Variants in DPH2 observed in about 807,000 individuals in gnomAD.
DPH2 encodes the protein diphthamide biosynthesis 2, also known as 2-(3-amino-3-carboxypropyl)histidine synthase subunit 2.
A neutral mutation model predicts 42.5 loss-of-function variants in DPH2; 28 were observed. The ratio of observed to expected loss-of-function variants is 0.66; its 90% confidence interval spans 0.49 to 0.90. The LOEUF (loss-of-function observed/expected upper bound fraction) is 0.90. DPH2 is among the 40% of genes least tolerant of loss of function. The pLI is 0.00. For missense variants in DPH2, 576 were observed against 636.0 expected, an observed-to-expected ratio of 0.91 and a Z score of 1.01; for synonymous variants, 279 against 264.4, an observed-to-expected ratio of 1.06 and a Z score of -0.53.
chr1:43,970,233 C>T lies in DPH2; in HGVS notation c.58C>T (p.Pro20Ser), dbSNP rs148793639. 2.6e-4 allele frequency: 427 copies of T among 1,614,222 alleles called. 2 individuals carry two copies. In the African/African-American group the frequency reaches 5.0e-3, roughly 19 times the overall value. The change falls in exon 1 of 6, where the codon CCA (proline) becomes TCA (serine). Residue 20 changes from proline to serine, a missense_variant. Pro to Ser is a moderately conservative substitution (Grantham distance 74, BLOSUM62 -1). Coordinates refer to ENST00000255108, the MANE Select transcript of DPH2 (RefSeq NM_001384.5). ...GGCGCTGCAGCGAGAGACCGGGGTG[C>T]CAGGACTGCTTACTCCTCTTCCGGA... is the stretch of plus-strand genomic sequence containing the variant. The part of the protein sequence containing the change: ...EAALQRETGV[P>S]GLLTPLPDLD...
chr1:43,970,267 G>A lies in DPH2; in HGVS notation c.92G>A (p.Gly31Glu), dbSNP rs747105105. The change falls in exon 1 of 6, where the codon GGA (glycine) becomes GAA (glutamate). Residue 31 changes from glycine (G) to glutamate (E), a missense_variant. This residue lies in a region of DPH2 where 395 missense variants were observed against 435.2 expected (regional missense o/e 0.91). Transcript: ENST00000255108. The part of the protein sequence containing the change: ...GLLTPLPDLD[G>E]VYELERVAGF... ...CTTACTCCTCTTCCGGACCTGGACG[G>A]AGTGTACGAGCTGGAGCGAGTCGCT... The A allele has an allele frequency of 7.4e-6, 12 of 1,614,154 alleles. No individual in the cohort carries two copies. The highest frequency in any genetic ancestry group is 3.4e-6 in the Non-Finnish European group (4 of 1,180,050).
In DPH2 at chr1:43,971,717, G is replaced by A. The variant is rs539769075; in HGVS notation, c.815G>A (p.Arg272Gln). Reference protein sequence around the residue: ...ARAGRLRARRRYLVERARDAR... With the variant: ...ARAGRLRARRQYLVERARDAR... Reference sequence around the variant, plus strand: ...GCTGGACGGCTAAGGGCACGAAGACGATATCTGGTAGAGAGGGCCAGAGAT... The same window carrying A: ...GCTGGACGGCTAAGGGCACGAAGACAATATCTGGTAGAGAGGGCCAGAGAT... The change falls in exon 4 of 6, where the codon CGA becomes CAA. Residue 272 changes from arginine to glutamine, a missense_variant. Arg to Gln is a conservative substitution (Grantham distance 43). Transcript: ENST00000255108. 2.7e-5 allele frequency: 44 copies of A among 1,612,536 alleles called. No homozygotes were observed. The highest frequency in any genetic ancestry group is 6.7e-5 in the African/African-American group (5 of 75,070).
At position 43,970,026 on chromosome 1, in the gene DPH2, G is replaced by A; in HGVS notation, c.-150G>A. The A allele has an allele frequency of 2.3e-6, 2 of 871,604 alleles. No individual in the cohort carries two copies. Among genetic ancestry groups the A allele is most frequent in the Non-Finnish European group, 3.4e-6 (2 of 584,884 alleles). The allele number at this position is 871,604 out of a possible 1,614,324, so 54.0% of individuals were successfully genotyped here. A position where few individuals can be genotyped will look rare whatever the true frequency, so the allele number is the denominator to read the frequency against. On this transcript the variant is annotated 5_prime_UTR_variant, in exon 1 of 6. Transcript: ENST00000255108. The stretch of plus-strand genomic sequence containing the variant: ...CGGAGAAACAGTAGTTAGGATGGCT[G>A]AAGGGGATACTCACCGGCTGAAGGC...
chr1:43,970,075 A>C lies in DPH2; in HGVS notation c.-101A>C. 7.1e-7 allele frequency: 1 copy of C among 1,416,070 alleles called. No individual in the cohort carries two copies. Among genetic ancestry groups the C allele is most frequent in the South Asian group, 1.3e-5 (1 of 74,338 alleles). 87.7% of individuals were successfully genotyped at this position (1,416,070 alleles called of 1,614,324 possible). ...GCCGACTGTGATTCCCCCTACCCCC[A>C]CAAGGCGATTTTGACCCCCTGAGGG... On this transcript the variant is annotated 5_prime_UTR_variant, in exon 1 of 6. Transcript: ENST00000255108.
chr1:43,972,892 A>T lies in DPH2; in HGVS notation c.*353A>T. On this transcript the variant is annotated 3_prime_UTR_variant, in exon 6 of 6. Coordinates refer to ENST00000255108, the MANE Select transcript of DPH2 (RefSeq NM_001384.5). ...CCTTGTCAAAAGGCAGGTGCTAGAC[A>T]GTCTAGACCAGGGTTTCTCAAACTC... The T allele has an allele frequency of 4.9e-6, 1 of 202,980 alleles. No homozygotes were observed. The highest frequency in any genetic ancestry group is 9.4e-5 in the South Asian group (1 of 10,630). 12.6% of individuals were successfully genotyped at this position (202,980 alleles called of 1,614,324 possible).
In DPH2 at chr1:43,970,254, C is replaced by A; in HGVS notation, c.79C>A (p.Pro27Thr). Reference protein sequence around the residue: ...TGVPGLLTPLPDLDGVYELER... With the variant: ...TGVPGLLTPLTDLDGVYELER... ...GGTGCCAGGACTGCTTACTCCTCTT[C>A]CGGACCTGGACGGAGTGTACGAGCT... Residue 27 changes from proline to threonine, a missense_variant, in exon 1 of 6, where the codon CCG becomes ACG. This residue lies in a region of DPH2 where 395 missense variants were observed against 435.2 expected (regional missense o/e 0.91). Coordinates refer to ENST00000255108, the MANE Select transcript of DPH2 (RefSeq NM_001384.5). 6.2e-7 allele frequency: 1 copy of A among 1,614,208 alleles called. No individual in the cohort carries two copies. Among genetic ancestry groups the A allele is most frequent in the Non-Finnish European group, 8.5e-7 (1 of 1,180,012 alleles).
At position 43,971,761 on chromosome 1, in the gene DPH2, C is replaced by T. The variant is rs1416419790; in HGVS notation, c.859C>T (p.Leu287=). 6.2e-7 allele frequency: 1 copy of T among 1,609,880 alleles called. No homozygotes were observed. ...RARDARVVGL[L]AGTLGVAQHR... ...CAGAGATGCCCGCGTGGTAGGGCTGCTGGCAGGCACACTGGGTGTAGCCCA... is the reference window on the plus strand; with the variant it reads ...CAGAGATGCCCGCGTGGTAGGGCTGTTGGCAGGCACACTGGGTGTAGCCCA... The change falls in exon 4 of 6, where the codon CTG becomes TTG. Residue 287 remains leucine, a synonymous_variant. Coordinates refer to ENST00000255108, the MANE Select transcript of DPH2 (RefSeq NM_001384.5).
rs1199239371 is a variant in DPH2, at chr1:43,971,616, C to G, written c.714C>G (p.Leu238=). ...TTGACCCAGACCTGAGTCGGCTGCT[C>G]TTGGGGTGGGCACCAGGTCAACCCT... The part of the protein sequence containing the change: ...PDLDPDLSRL[L]LGWAPGQPFS... The change falls in exon 4 of 6, where the codon CTC becomes CTG. Residue 238 remains leucine (L), a synonymous_variant. Coordinates refer to ENST00000255108, the MANE Select transcript of DPH2 (RefSeq NM_001384.5). 1 of 1,614,060 alleles carries G rather than the reference C, an allele frequency of 6.2e-7. No individual in the cohort carries two copies. Among genetic ancestry groups the G allele is most frequent in the Admixed American group, 1.7e-5 (1 of 60,028 alleles).
chr1:43,970,542 A>G (rs2085396770), intron 1 of DPH2, 54 bp from the exon 2 acceptor site: 19 of 1,593,642 alleles, frequency 1.2e-5, no homozygotes, highest in Non-Finnish European at 1.6e-5. Context: ...ATTGCTTTAA[A>G]GAAGCCCTCA....
At position 43,971,265 on chromosome 1, in the gene DPH2, C is replaced by T; in HGVS notation, c.484+76C>T. On this transcript the variant is annotated intron_variant, in intron 3 of 5. Coordinates refer to ENST00000255108, the MANE Select transcript of DPH2 (RefSeq NM_001384.5). Reference sequence around the variant, plus strand: ...CCTTAATTTCCCCATTTCCATATACCATCCATAGAACTCTTGATATGGGCT... The same window carrying T: ...CCTTAATTTCCCCATTTCCATATACTATCCATAGAACTCTTGATATGGGCT... 2.6e-6 allele frequency: 4 copies of T among 1,528,604 alleles called. No homozygotes were observed. In the African/African-American group the frequency reaches 5.5e-5, roughly 21 times the overall value. The allele number at this position is 1,528,604 out of a possible 1,614,324, so 94.7% of individuals were successfully genotyped here.
rs1355025534 is a variant in DPH2 at position 43,970,626 on chromosome 1, G to A, written c.178G>A (p.Gly60Arg). 6.2e-7 allele frequency: 1 copy of A among 1,614,176 alleles called. No individual in the cohort carries two copies. The highest frequency in any genetic ancestry group is 1.1e-5 in the South Asian group (1 of 91,072). ...VALQFPDQLL[G>R]DAVAVAARLE... The stretch of plus-strand genomic sequence containing the variant: ...CTTGCAGTTCCCTGACCAGCTATTG[G>A]GAGATGCTGTGGCTGTGGCTGCACG... The change falls in exon 2 of 6, where the codon GGA becomes AGA. Residue 60 changes from glycine to arginine, a missense_variant. This residue lies in a region of DPH2 where 395 missense variants were observed against 435.2 expected (regional missense o/e 0.91). Transcript: ENST00000255108.
In DPH2 at chr1:43,971,690, G is replaced by C; in HGVS notation, c.788G>C (p.Arg263Pro). Residue 263 changes from arginine to proline, a missense_variant, in exon 4 of 6, where the codon CGG becomes CCG. Coordinates refer to ENST00000255108, the MANE Select transcript of DPH2 (RefSeq NM_001384.5). ...GGGAAGACTCAGGATGAGGGTGCCC[G>C]GGCTGGACGGCTAAGGGCACGAAGA... ...DTGKTQDEGA[R>P]AGRLRARRRY... 6.2e-7 allele frequency: 1 copy of C among 1,613,806 alleles called. No homozygotes were observed.
At chr1:43,970,383 C>G in intron 1 of DPH2, 61 bp downstream of exon 1, 1 of 1,589,298 alleles carries the variant, frequency 6.3e-7, no homozygotes, top group Non-Finnish European at 8.6e-7. Flanking sequence ...CCAGAGGATC[C>G]GGATCTTGGG....
rs1355323379 is a variant in DPH2 at position 43,972,875 on chromosome 1, A to G, written c.*336A>G. 3.6e-6 allele frequency: 1 copy of G among 277,784 alleles called. No homozygotes were observed. Among genetic ancestry groups the G allele is most frequent in the Admixed American group, 4.9e-5 (1 of 20,468 alleles). 17.2% of individuals were successfully genotyped at this position (277,784 alleles called of 1,614,324 possible). On this transcript the variant is annotated 3_prime_UTR_variant, in exon 6 of 6. Transcript: ENST00000255108. ...TGCAGTTGAGGGTCTGTCCTTGTCAAAAGGCAGGTGCTAGACAGTCTAGAC... is the reference window on the plus strand; with the variant it reads ...TGCAGTTGAGGGTCTGTCCTTGTCAGAAGGCAGGTGCTAGACAGTCTAGAC...
At position 43,972,796 on chromosome 1, in the gene DPH2, C is replaced by T; in HGVS notation, c.*257C>T. ...GGGACTTCCCTGAGGCCTCTGGACC[C>T]ATCTGTCTTCCTGAGGGCAGCCCAG... On this transcript the variant is annotated 3_prime_UTR_variant, in exon 6 of 6. Transcript: ENST00000255108. The T allele has an allele frequency of 2.2e-6, 1 of 464,822 alleles. No individual in the cohort carries two copies. The allele number at this position is 464,822 out of a possible 1,614,324, so 28.8% of individuals were successfully genotyped here. A position where few individuals can be genotyped will look rare whatever the true frequency, so the allele number is the denominator to read the frequency against.
chr1:43,970,760 G>A (rs1343450142), intron 2 of DPH2, 52 bp downstream of exon 2: 1 of 1,538,454 alleles, frequency 6.5e-7, no homozygotes. Context: ...GGCTCATGGG[G>A]TTTTACGTCT....
intron 2 of DPH2, 44 bp downstream of exon 2, chr1:43,970,752 C>T: frequency 2.6e-6 from 4 of 1,567,902 alleles, no homozygotes; most frequent in Non-Finnish European, 3.5e-6. Context: ...GGATCCGGGG[C>T]TCATGGGGTT....
Position 43,971,425 on chromosome 1 carries a change from C to G in DPH2, c.523C>G (p.Leu175Val). Residue 175 changes from leucine (L) to valine (V), a missense_variant, in exon 4 of 6, where the codon CTG becomes GTG. Coordinates refer to ENST00000255108, the MANE Select transcript of DPH2 (RefSeq NM_001384.5). ...ATLLRPRYLDLLVSSPAFPQP... is the reference protein window; with the variant it reads ...ATLLRPRYLDVLVSSPAFPQP... ...TCTCCTGCGCCCACGGTACCTGGAC[C>G]TGCTAGTCTCCAGCCCAGCTTTTCC... 6.2e-7 allele frequency: 1 copy of G among 1,607,724 alleles called. No individual in the cohort carries two copies. Among genetic ancestry groups the G allele is most frequent in the East Asian group, 2.2e-5 (1 of 44,676 alleles).
Position 43,971,635 on chromosome 1 carries a change from C to T in DPH2, c.733C>T (p.Gln245Ter), listed in dbSNP as rs1380765026. Reference protein sequence around the residue: ...SRLLLGWAPGQPFSSCCPDTG... With the variant: ...SRLLLGWAPG ...GCTGCTCTTGGGGTGGGCACCAGGT[C>T]AACCCTTCTCCTCCTGCTGTCCAGA... The change falls in exon 4 of 6, where the codon CAA (glutamine) becomes TAA (stop). Residue 245 changes from glutamine (Q) to a stop codon, truncating the protein, a stop_gained. Coordinates refer to ENST00000255108, the MANE Select transcript of DPH2 (RefSeq NM_001384.5). LOFTEE classifies it high-confidence loss of function. 6.2e-7 allele frequency: 1 copy of T among 1,614,040 alleles called. No homozygotes were observed. Among genetic ancestry groups the T allele is most frequent in the South Asian group, 1.1e-5 (1 of 91,088 alleles).
Sources: gnomAD v4.1 joint callset for allele counts on GRCh38, gnomAD v4.1.1 for gene constraint, gnomAD v4.1.1 regional missense constraint, MANE v1.5 for transcripts, NCBI Gene and HGNC (gene_info 2026-07-23, HGNC 2026-07-21) for gene names.